The following BRD1 variants were observed in gnomAD, a reference collection of about 807,000 sequenced individuals.
The protein encoded by BRD1 is bromodomain-containing protein 1.
A neutral mutation model predicts 107.7 loss-of-function variants in BRD1; 24 were observed. The observed-to-expected ratio is 0.22, with a 90% CI of 0.16 to 0.31. BRD1 has a LOEUF of 0.31. BRD1 is among the 10% of genes least tolerant of loss of function. BRD1 has a pLI of 1.00. For synonymous variants in BRD1, 744 were observed against 686.1 expected, an observed-to-expected ratio of 1.08 and a Z score of -1.32; for missense variants, 1,279 against 1,638.6, an observed-to-expected ratio of 0.78 and a Z score of 3.79.
rs1385882676 is a variant in BRD1, at chr22:49,824,812, CT to C, written c.-14-482del. The C allele has an allele frequency of 3.0e-6, 3 of 1,009,332 alleles. No homozygotes were observed. The highest frequency in any genetic ancestry group is 1.7e-5 in the African/African-American group (1 of 58,290). The allele number at this position is 1,009,332 out of a possible 1,614,324, so 62.5% of individuals were successfully genotyped here. Reference sequence around the variant, plus strand: ...TACCTGGTCCTATCGGATGCTCCCCCTAAACCACTCTTCCCCTCCCCACTAC... The same window carrying C: ...TACCTGGTCCTATCGGATGCTCCCCCAAACCACTCTTCCCCTCCCCACTAC... On this transcript the variant is annotated intron_variant, in intron 1 of 12. Coordinates refer to ENST00000404760, the MANE Select transcript of BRD1 (RefSeq NM_001304808.3). This position sits in a 1 kb window ranked among gnomAD's most constrained non-coding sequence, Gnocchi z 5.9.
intron 9 of BRD1, 130 bp from the exon 10 acceptor site, chr22:49,777,291 G>T: frequency 7.2e-7 from 1 of 1,393,498 alleles, no homozygotes; most frequent in East Asian, 2.3e-5. Flanking sequence ...GGCCAGACGG[G>T]CCTGTGGGTG....
At chr22:49,791,003 G>A (rs529087513) in intron 7 of BRD1, among the ~76,000 whole-genome samples, 9 of 152,358 alleles carry the variant, frequency 5.9e-5, no homozygotes, top group Non-Finnish European at 8.8e-5. Context: ...ACCAGCTCAC[G>A]GTGCGGACCC....
intron 8 of BRD1, among the ~76,000 whole-genome samples, chr22:49,781,277 C>A (rs2059202561): frequency 6.6e-6 from 1 of 152,210 alleles, no homozygotes; most frequent in African/African-American, 2.4e-5. Flanking sequence ...CTGCCCGTCA[C>A]CAGGTACGTC....
At chr22:49,807,980 C>T (rs1253326884) in intron 2 of BRD1, among the ~76,000 whole-genome samples, 1 of 152,052 alleles carries the variant, frequency 6.6e-6, no homozygotes, top group Non-Finnish European at 1.5e-5. Flanking sequence ...ACTATGATGT[C>T]ACCTTCACAC....
At chr22:49,809,456 G>A (rs1034407679) in intron 2 of BRD1, among the ~76,000 whole-genome samples, 4 of 151,752 alleles carry the variant, frequency 2.6e-5, no homozygotes, top group Non-Finnish European at 5.9e-5. Context: ...CAGGAGAATC[G>A]CTTGAACACG....
chr22:49,793,966 T>G, intron 7 of BRD1, 68 bp downstream of exon 7: 1 of 1,549,368 alleles, frequency 6.5e-7, no homozygotes, highest in Non-Finnish European at 8.7e-7. Flanking sequence ...TCTGGGTCTG[T>G]GCCTGTGCCT....
intron 2 of BRD1, among the ~76,000 whole-genome samples, chr22:49,816,533 C>A (rs185838848): frequency 6.6e-6 from 1 of 152,206 alleles, no homozygotes; most frequent in Admixed American, 6.5e-5. Context: ...CGACAGTGAC[C>A]CCAGAAAAAG....
At chr22:49,787,337 G>A (rs2059348792) in intron 8 of BRD1, 53 bp downstream of exon 8, 15 of 1,322,046 alleles carry the variant, frequency 1.1e-5, no homozygotes, top group South Asian at 1.1e-4. Flanking sequence ...CCTGAAGGAC[G>A]CTCCAGGCAC....
rs1353262813 is a variant in BRD1, at chr22:49,824,383, C to G, written c.-14-52G>C. Reference sequence around the variant, plus strand: ...ATTCTACGCAGGGTGACCAAAGACTCGAGAAAACCACAAAAGCATGCTTGG... The same window carrying G: ...ATTCTACGCAGGGTGACCAAAGACTGGAGAAAACCACAAAAGCATGCTTGG... On this transcript the variant is annotated intron_variant, in intron 1 of 12. Coordinates refer to ENST00000404760, the MANE Select transcript of BRD1 (RefSeq NM_001304808.3). This position sits in a 1 kb window ranked among gnomAD's most constrained non-coding sequence, Gnocchi z 5.9. The G allele has an allele frequency of 1.9e-6, 3 of 1,581,248 alleles. No individual in the cohort carries two copies. The African/African-American group carries it at 4.1e-5, about 21-fold the overall frequency.
chr22:49,785,122 C>T (rs2059297120), intron 8 of BRD1, among the ~76,000 whole-genome samples: 2 of 152,256 alleles, frequency 1.3e-5, no homozygotes, highest in African/African-American at 4.8e-5. Flanking sequence ...GACAGTGGCC[C>T]GGAGGGGACA....
chr22:49,817,596 G>A (rs1253077628), intron 2 of BRD1: 4 of 213,684 alleles, frequency 1.9e-5, no homozygotes, highest in Admixed American at 4.3e-5. Context: ...CAACCACATC[G>A]CTCTGCACAC....
rs2059244865 is a variant in BRD1, at chr22:49,783,070, T to A, written c.2857+4320A>T. 2.0e-5 allele frequency among the ~76,000 whole-genome samples: 3 copies of A among 151,302 alleles called. No homozygotes were observed. The highest frequency in any genetic ancestry group is 2.1e-4 in the South Asian group (1 of 4,760). On this transcript the variant is annotated intron_variant, in intron 8 of 12. Transcript: ENST00000404760. The surrounding 1 kb of genome is among the most constrained non-coding windows in gnomAD (Gnocchi z 4.2). ...GGGACTCGCTCCGTGACAATGCAGCTGGGATGGTCAGAGACAGAACCAAGG... is the reference window on the plus strand; with the variant it reads ...GGGACTCGCTCCGTGACAATGCAGCAGGGATGGTCAGAGACAGAACCAAGG...
chr22:49,822,983 C>T lies in BRD1; in HGVS notation c.1335G>A (p.Pro445=), dbSNP rs758434485. 14 of 1,614,072 alleles carry T rather than the reference C, an allele frequency of 8.7e-6. No homozygotes were observed. The highest frequency in any genetic ancestry group is 8.3e-5 in the Admixed American group (5 of 59,996). ...KALAEPCAVL[P]TVCAPYIPPQ... is the part of the protein sequence containing the mutation. ...GGGGAATATAAGGAGCGCACACGGT[C>T]GGCAGGACCGCGCAGGGCTCAGCCA... Residue 445 remains proline, a synonymous_variant, in exon 2 of 13, where the codon CCG becomes CCA. Transcript: ENST00000404760.
intron 2 of BRD1, among the ~76,000 whole-genome samples, chr22:49,814,112 G>C (rs2059906080): frequency 6.6e-6 from 1 of 152,200 alleles, no homozygotes; most frequent in Non-Finnish European, 1.5e-5. Context: ...TGGGAGAGGG[G>C]AGGCTGGCCA....
chr22:49,802,864 A>C (rs1475072038), intron 3 of BRD1, among the ~76,000 whole-genome samples: 1 of 152,248 alleles, frequency 6.6e-6, no homozygotes, highest in Non-Finnish European at 1.5e-5. Flanking sequence ...ATGGAACGGA[A>C]GATGCGGTTA....
At chr22:49,811,456 G>A (rs1389480772) in intron 2 of BRD1, among the ~76,000 whole-genome samples, 4 of 152,150 alleles carry the variant, frequency 2.6e-5, no homozygotes, top group Admixed American at 6.5e-5. Flanking sequence ...GACCTCCAGC[G>A]GCTGCCTGAA....
chr22:49,793,944 C>A, intron 7 of BRD1, 90 bp downstream of exon 7: 2 of 1,512,692 alleles, frequency 1.3e-6, no homozygotes, highest in South Asian at 2.6e-5. Flanking sequence ...CACACCAACG[C>A]TGCTGCCCGT....
chr22:49,815,875 T>C (rs1228492177), intron 2 of BRD1, among the ~76,000 whole-genome samples: 1 of 152,104 alleles, frequency 6.6e-6, no homozygotes, highest in African/African-American at 2.4e-5. Context: ...CCTTCCCGAG[T>C]GCCCGCCACT....
Position 49,787,795 on chromosome 22 carries a change from C to G in BRD1, c.2452G>C (p.Val818Leu), listed in dbSNP as rs1601634362. Residue 818 changes from valine (V) to leucine (L), a missense_variant, in exon 8 of 13, where the codon GTA becomes CTA. By Grantham distance (32) the Val-to-Leu change is conservative. Transcript: ENST00000404760. ...TNSEPPTLKPVELNPEQSKLF... is the reference protein window; with the variant it reads ...TNSEPPTLKPLELNPEQSKLF... ...TTACTCTGCTCTGGGTTGAGTTCTA[C>G]TGGTTTGAGGGTTGGTGGTTCTGAA... The G allele has an allele frequency of 6.4e-7, 1 of 1,550,870 alleles. No homozygotes were observed. The highest frequency in any genetic ancestry group is 1.7e-4 in the Middle Eastern group (1 of 5,992).
Sources: allele counts gnomAD v4.1 joint callset (sites outside exome capture counted in the v4.1 genomes callset), GRCh38; gene constraint gnomAD v4.1.1; non-coding constraint Gnocchi (gnomAD v3.1); transcripts MANE v1.5; gene names NCBI Gene and HGNC (gene_info 2026-07-23, HGNC 2026-07-21).